The following CSMD3 variants were observed in gnomAD, a reference collection of about 807,000 sequenced individuals.
The protein encoded by CSMD3 is CUB and Sushi multiple domains 3, also known as CUB and sushi domain-containing protein 3.
CSMD3 carries 177 observed loss-of-function variants against 435.2 expected under a neutral mutation model. The ratio of observed to expected loss-of-function variants is 0.41; its 90% CI spans 0.36 to 0.46. CSMD3 has a LOEUF of 0.46. CSMD3 is among the 20% of genes least tolerant of loss of function. The pLI is 0.34. For synonymous variants in CSMD3, 1,656 were observed against 1,520.5 expected, an observed-to-expected ratio of 1.09 and a Z score of -2.07; for missense variants, 4,265 against 4,504.6, an observed-to-expected ratio of 0.95 and a Z score of 1.52.
At chr8:112,867,016 T>C (rs1162829830) in intron 10 of CSMD3, among the ~76,000 whole-genome samples, 1 of 152,100 alleles carries the variant, frequency 6.6e-6, no homozygotes, top group Non-Finnish European at 1.5e-5. Context: ...CTCATTGGGC[T>C]GTGTTAGGCA....
intron 13 of CSMD3, among the ~76,000 whole-genome samples, chr8:112,745,886 A>C (rs1288864099): frequency 6.6e-6 from 1 of 152,158 alleles, no homozygotes; most frequent in African/African-American, 2.4e-5. Flanking sequence ...GAAGAAAAAC[A>C]GGGAGGAAAT....
intron 31 of CSMD3, among the ~76,000 whole-genome samples, chr8:112,478,961 T>A (rs997949760): frequency 6.6e-6 from 1 of 152,116 alleles, no homozygotes; most frequent in African/African-American, 2.4e-5. Context: ...TGCCCGACTG[T>A]GAGATTGGGG....
chr8:112,666,374 G>C lies in CSMD3; in HGVS notation c.2719C>G (p.Leu907Val), dbSNP rs199811553. 7.5e-5 allele frequency: 121 copies of C among 1,612,408 alleles called. No individual in the cohort carries two copies. The highest frequency in any genetic ancestry group is 9.8e-5 in the Non-Finnish European group (116 of 1,179,190). ...GHFSAPSGVI[L>V]SPGWPGYYKD... ...TAGTATCCTGGCCATCCTGGTGAGAGAATCACTCCACTGGGAGCTGAAAAA... is the reference window on the plus strand; with the variant it reads ...TAGTATCCTGGCCATCCTGGTGAGACAATCACTCCACTGGGAGCTGAAAAA... Residue 907 changes from leucine (L) to valine (V), a missense_variant, in exon 17 of 71, where the codon CTC (leucine) becomes GTC (valine). Leu to Val is a conservative substitution (Grantham distance 32). Coordinates refer to ENST00000297405, the MANE Select transcript of CSMD3 (RefSeq NM_198123.2).
chr8:112,958,160 T>A (rs1372861619), intron 7 of CSMD3, among the ~76,000 whole-genome samples: 1 of 152,162 alleles, frequency 6.6e-6, no homozygotes, highest in African/African-American at 2.4e-5. Context: ...ACACCCAAGA[T>A]GAAGCACTTT....
intron 3 of CSMD3, among the ~76,000 whole-genome samples, chr8:113,183,160 T>C (rs886287524): frequency 1.3e-5 from 2 of 152,140 alleles, no homozygotes; most frequent in African/African-American, 4.8e-5. Flanking sequence ...TTCTGAATAG[T>C]TCTTTCTTGT....
chr8:113,228,279 ATAGGAGTAAGG>A (rs754177024), intron 3 of CSMD3, among the ~76,000 whole-genome samples: 29 of 151,616 alleles, frequency 1.9e-4, no homozygotes, highest in Admixed American at 3.3e-4. Context: ...CTGCCTAATT[ATAGGAGTAAGG>A]TAAAGATAAT....
At chr8:112,251,271 T>C (rs531928413) in intron 63 of CSMD3, among the ~76,000 whole-genome samples, 2 of 151,748 alleles carry the variant, frequency 1.3e-5, no homozygotes, top group African/African-American at 4.8e-5. Flanking sequence ...ATACAAAACA[T>C]TTTACTCAAG....
At chr8:112,949,313 TC>T (rs2083725364) in intron 8 of CSMD3, among the ~76,000 whole-genome samples, 1 of 152,024 alleles carries the variant, frequency 6.6e-6, no homozygotes, top group African/African-American at 2.4e-5. Flanking sequence ...ACCATATCCT[TC>T]TTGCCAACTG....
At chr8:112,783,412 A>AGGAGGGAGGGAG (rs1486071610) in intron 13 of CSMD3, among the ~76,000 whole-genome samples, 1 of 78,858 alleles carries the variant, frequency 1.3e-5, no homozygotes, top group Admixed American at 1.4e-4. Flanking sequence ...GAAGGAAGGA[A>AGGAGGGAGGGAG]GGAGGGAGGG....
chr8:112,825,165 A>C (rs996884315), intron 12 of CSMD3, among the ~76,000 whole-genome samples: 3 of 152,106 alleles, frequency 2.0e-5, no homozygotes, highest in Non-Finnish European at 2.9e-5. Flanking sequence ...CAGGTCATTT[A>C]TATTTCTCTC....
intron 3 of CSMD3, among the ~76,000 whole-genome samples, chr8:113,255,855 G>A (rs536535924): frequency 3.2e-4 from 49 of 151,778 alleles, no homozygotes; most frequent in African/African-American, 1.2e-3. Context: ...TAAATTAACA[G>A]TGAACCGTTT....
chr8:112,734,970 C>T lies in CSMD3; in HGVS notation c.1973-44920G>A, dbSNP rs1180653611. On this transcript the variant is annotated intron_variant, in intron 13 of 70. Coordinates refer to ENST00000297405, the MANE Select transcript of CSMD3 (RefSeq NM_198123.2). ...GCCCCCATTTGTAACAATAGAAAGA[C>T]GTAGTAGGAAGAGCTCATTGGACTA... 3.9e-5 allele frequency among the ~76,000 whole-genome samples: 6 copies of T among 151,958 alleles called. No homozygotes were observed. The South Asian group carries it at 8.3e-4, about 21-fold the overall frequency.
intron 7 of CSMD3, among the ~76,000 whole-genome samples, chr8:112,974,151 T>G (rs1051482036): frequency 6.6e-6 from 1 of 151,936 alleles, no homozygotes; most frequent in South Asian, 2.1e-4. Flanking sequence ...TCTTGAAGCT[T>G]AATTAAAATT....
At chr8:112,432,129 A>G (rs888585522) in intron 32 of CSMD3, among the ~76,000 whole-genome samples, 3 of 152,144 alleles carry the variant, frequency 2.0e-5, no homozygotes. Context: ...TGAGCAAAGC[A>G]ACAACCCAAA....
At chr8:112,488,986 T>C (rs149399381) in intron 31 of CSMD3, among the ~76,000 whole-genome samples, 2 of 152,284 alleles carry the variant, frequency 1.3e-5, no homozygotes, top group East Asian at 3.9e-4. Flanking sequence ...TACTTTTTTA[T>C]TATTTTCTTA....
chr8:112,961,252 T>C (rs1248652366), intron 7 of CSMD3, among the ~76,000 whole-genome samples: 1 of 151,840 alleles, frequency 6.6e-6, no homozygotes, highest in Non-Finnish European at 1.5e-5. Flanking sequence ...TTTTTCACTA[T>C]GTAGGGATGA....
intron 10 of CSMD3, among the ~76,000 whole-genome samples, chr8:112,866,972 T>A (rs1438826246): frequency 6.6e-6 from 1 of 152,158 alleles, no homozygotes; most frequent in Non-Finnish European, 1.5e-5. Flanking sequence ...CGAAGAGAGA[T>A]GTACCAACAA....
At chr8:113,037,632 T>C (rs2087415209) in intron 5 of CSMD3, among the ~76,000 whole-genome samples, 1 of 152,172 alleles carries the variant, frequency 6.6e-6, no homozygotes, top group Non-Finnish European at 1.5e-5. Flanking sequence ...AATGTATTGG[T>C]ATTCTTTTAG....
At chr8:113,322,081 C>G (rs1006813585) in intron 1 of CSMD3, among the ~76,000 whole-genome samples, 24 of 151,948 alleles carry the variant, frequency 1.6e-4, no homozygotes, top group African/African-American at 5.8e-4. Context: ...AAACTGAAAA[C>G]CTATGTTACC....
Sources: allele counts gnomAD v4.1 joint callset (sites outside exome capture counted in the v4.1 genomes callset), GRCh38; gene constraint gnomAD v4.1.1; transcripts MANE v1.5; gene names NCBI Gene and HGNC (gene_info 2026-07-23, HGNC 2026-07-21).